CCL28: variants seen among roughly 807,000 people sequenced by gnomAD.
CCL28 encodes the protein C-C motif chemokine 28.
CCL28 carries 4 observed loss-of-function variants against 7.1 expected under a neutral mutation model. The ratio of observed to expected loss-of-function variants is 0.56; its 90% CI spans 0.28 to 1.29. The LOEUF (loss-of-function observed/expected upper bound fraction) is 1.29, where lower values mean the gene tolerates loss of function less well. CCL28 is among the 50% of genes most tolerant of loss of function. The pLI is 0.11. For synonymous variants in CCL28, 55 were observed against 57.8 expected (o/e 0.95, Z 0.22); for missense variants, 151 against 163.4 (o/e 0.92, Z 0.41).
chr5:43,392,467 TG>T (rs1375326349), intron 1 of CCL28, among the ~76,000 whole-genome samples: 9 of 152,204 alleles, frequency 5.9e-5, no homozygotes, highest in Non-Finnish European at 1.0e-4. Context: ...CTGCTAGTCC[TG>T]GAACACATTT....
At chr5:43,371,298 T>G in the CCL28 span, among the ~76,000 whole-genome samples, 2 of 152,104 alleles carry the variant, frequency 1.3e-5, no homozygotes, top group Admixed American at 6.5e-5. Context: ...GTACTTTATA[T>G]TTATAGAAAC....
the CCL28 span, among the ~76,000 whole-genome samples, chr5:43,367,599 A>G: frequency 1.3e-5 from 2 of 151,572 alleles, no homozygotes; most frequent in African/African-American, 4.9e-5. Flanking sequence ...TGAGCCGTGT[A>G]CCTCAGTTGG....
chr5:43,401,047 C>T (rs1741009260), intron 1 of CCL28, among the ~76,000 whole-genome samples: 1 of 149,544 alleles, frequency 6.7e-6, no homozygotes, highest in South Asian at 2.1e-4. Context: ...CACGCCACTG[C>T]ACTCCAGTGT....
intron 2 of CCL28, among the ~76,000 whole-genome samples, chr5:43,386,514 A>G (rs139136787): frequency 1.3e-5 from 2 of 152,162 alleles, no homozygotes; most frequent in East Asian, 3.9e-4. Context: ...CCACAAAGAC[A>G]CTCATGCTTA....
intron 2 of CCL28, among the ~76,000 whole-genome samples, chr5:43,384,830 T>TA (rs1289333007): frequency 6.6e-6 from 1 of 152,072 alleles, no homozygotes; most frequent in Non-Finnish European, 1.5e-5. Context: ...TAATTCTATT[T>TA]AAAAACCTCA....
downstream of CCL28, among the ~76,000 whole-genome samples, chr5:43,372,998 G>A (rs1231736918): frequency 6.0e-5 from 9 of 149,476 alleles, no homozygotes; most frequent in Non-Finnish European, 1.3e-4. Context: ...ATGGGGTTTC[G>A]CCATGTTGGC....
At chr5:43,366,558 T>C in the CCL28 span, among the ~76,000 whole-genome samples, 1 of 152,158 alleles carries the variant, frequency 6.6e-6, no homozygotes, top group South Asian at 2.1e-4. Flanking sequence ...CCAGCTGGAG[T>C]TCTCCTGTAT....
chr5:43,394,600 A>T (rs1480983861), intron 1 of CCL28, among the ~76,000 whole-genome samples: 3 of 152,058 alleles, frequency 2.0e-5, no homozygotes. Flanking sequence ...TAATTAGTTA[A>T]TTTTTATGTA....
At chr5:43,393,816 TA>T (rs1740685443) in intron 1 of CCL28, among the ~76,000 whole-genome samples, 1 of 152,242 alleles carries the variant, frequency 6.6e-6, no homozygotes, top group South Asian at 2.1e-4. Flanking sequence ...CCTCCAGATG[TA>T]TTTTTAAAAA....
chr5:43,407,706 A>C (rs1047356738), intron 1 of CCL28, among the ~76,000 whole-genome samples: 32 of 152,230 alleles, frequency 2.1e-4, no homozygotes, highest in Non-Finnish European at 3.8e-4. Flanking sequence ...GTGAACAGGC[A>C]ACCTACAGAA....
chr5:43,402,188 C>T (rs891225707), intron 1 of CCL28, among the ~76,000 whole-genome samples: 2 of 152,152 alleles, frequency 1.3e-5, no homozygotes, highest in African/African-American at 4.8e-5. Context: ...GGAATTCTTC[C>T]TTGAGTGATT....
At chr5:43,368,096 C>T in the CCL28 span, among the ~76,000 whole-genome samples, 2 of 152,160 alleles carry the variant, frequency 1.3e-5, no homozygotes, top group Non-Finnish European at 2.9e-5. Flanking sequence ...GGGTTTGGCT[C>T]TGACCAAATT....
At chr5:43,384,528 TC>T (rs1217549370) in intron 2 of CCL28, among the ~76,000 whole-genome samples, 9 of 152,256 alleles carry the variant, frequency 5.9e-5, no homozygotes, top group African/African-American at 2.2e-4. Context: ...TATTCCACAT[TC>T]CTTCCCCTAC....
At chr5:43,389,947 G>A (rs772464247) in intron 1 of CCL28, among the ~76,000 whole-genome samples, 3 of 152,054 alleles carry the variant, frequency 2.0e-5, no homozygotes, top group Admixed American at 1.3e-4. Flanking sequence ...AGATAACATC[G>A]CCCCCTAGAG....
rs1350468582 is a variant in CCL28 at position 43,381,016 on chromosome 5, T to C, written c.*844A>G. 6.6e-6 allele frequency: 1 copy of C among 152,104 alleles called. No individual in the cohort carries two copies. Among genetic ancestry groups the C allele is most frequent in the African/African-American group, 2.4e-5 (1 of 41,442 alleles). 9.4% of individuals were successfully genotyped at this position (152,104 alleles called of 1,614,324 possible). ...GATGAAATTATTAATTTTTTAGGTATAAAACTGATAAGGTGATTATGTAGA... is the reference window on the plus strand; with the variant it reads ...GATGAAATTATTAATTTTTTAGGTACAAAACTGATAAGGTGATTATGTAGA... On this transcript the variant is annotated 3_prime_UTR_variant, in exon 3 of 3. Transcript: ENST00000361115.
intron 1 of CCL28, among the ~76,000 whole-genome samples, chr5:43,403,989 C>T (rs80159154): frequency 1.3e-5 from 2 of 152,118 alleles, no homozygotes; most frequent in African/African-American, 2.4e-5. Flanking sequence ...AACAAAGCCT[C>T]CAAGAAATAT....
At chr5:43,407,424 A>G (rs1741331393) in intron 1 of CCL28, among the ~76,000 whole-genome samples, 1 of 152,246 alleles carries the variant, frequency 6.6e-6, no homozygotes, top group African/African-American at 2.4e-5. Flanking sequence ...TGGTGCTGGG[A>G]AAACTGGCTA....
the CCL28 span, among the ~76,000 whole-genome samples, chr5:43,370,160 C>G: frequency 6.6e-5 from 10 of 152,264 alleles, no homozygotes; most frequent in South Asian, 2.1e-4. Flanking sequence ...CAACTGAGCC[C>G]CAGCTAACCC....
chr5:43,371,468 C>G, the CCL28 span, among the ~76,000 whole-genome samples: 3 of 152,318 alleles, frequency 2.0e-5, no homozygotes, highest in Admixed American at 2.0e-4. Context: ...CATAAAAATT[C>G]TGAGGCTTTC....
Sources: gnomAD v4.1 joint callset for allele counts (sites outside exome capture counted in the v4.1 genomes callset) on GRCh38, gnomAD v4.1.1 for gene constraint, MANE v1.5 for transcripts, NCBI Gene and HGNC (gene_info 2026-07-23, HGNC 2026-07-21) for gene names.